Variants in AP4S1 observed in about 807,000 individuals in gnomAD.
AP4S1 encodes adaptor related protein complex 4 subunit sigma 1.
In AP4S1, 23 loss-of-function variants were observed where a neutral mutation model predicts 19.8. The ratio of observed to expected loss-of-function variants is 1.16; its 90% CI spans 0.84 to 1.65. The LOEUF is 1.65. Among genes scored for constraint, AP4S1 ranks in the 40% most tolerant of loss-of-function variants. The pLI, the probability that AP4S1 is intolerant of heterozygous loss-of-function variation, is 0.00. For synonymous variants in AP4S1, 46 were observed against 54.1 expected (o/e 0.85, Z 0.66); for missense variants, 166 against 172.8 (o/e 0.96, Z 0.22).
At chr14:31,041,030 C>T (rs900323084) in intron 1 of AP4S1, among the ~76,000 whole-genome samples, 5 of 147,740 alleles carry the variant, frequency 3.4e-5, no homozygotes, top group Non-Finnish European at 7.4e-5. Context: ...GAGCTGAGAT[C>T]GCACCACTGA....
At chr14:31,080,455 GA>G (rs1408400666) in intron 4 of AP4S1, 117 bp from the exon 5 acceptor site, 2 of 821,552 alleles carry the variant, frequency 2.4e-6, no homozygotes, top group African/African-American at 3.4e-5. Context: ...ACCAAGCCCA[GA>G]AGCAGGTAGG....
At chr14:31,081,700 C>T (rs1887644461) in intron 5 of AP4S1, among the ~76,000 whole-genome samples, 1 of 151,074 alleles carries the variant, frequency 6.6e-6, no homozygotes. Context: ...TGAATTATAA[C>T]AATGTTTATG....
intron 1 of AP4S1, among the ~76,000 whole-genome samples, chr14:31,039,656 T>C (rs1286302255): frequency 3.4e-5 from 5 of 148,504 alleles, no homozygotes; most frequent in Admixed American, 1.3e-4. Flanking sequence ...CACTGCAAGC[T>C]CCGCCTCCCG....
chr14:31,039,474 T>G (rs1884971253), intron 1 of AP4S1, among the ~76,000 whole-genome samples: 1 of 149,320 alleles, frequency 6.7e-6, no homozygotes, highest in South Asian at 2.1e-4. Context: ...CGTGAGCCAC[T>G]GTGTCTGGCC....
Position 31,073,266 on chromosome 14 carries a change from A to G in AP4S1, c.294+293A>G, listed in dbSNP as rs112222685. On this transcript the variant is annotated intron_variant, in intron 4 of 5. Transcript: ENST00000542754. ...AGCACTTTGGGAGGCTAAGGTGGGC[A>G]GATCACAAGGTCAGGAGATGGAGAC... 0.031 allele frequency: 10,467 copies of G among 342,624 alleles called. 232 individuals carry two copies. Among genetic ancestry groups the G allele is most frequent in the Non-Finnish European group, 0.042 (7,553 of 178,922 alleles). 21.2% of individuals were successfully genotyped at this position (342,624 alleles called of 1,614,324 possible).
Position 31,080,574 on chromosome 14 carries a change from G to A in AP4S1, c.296G>A (p.Ser99Asn), listed in dbSNP as rs1887585315. 1.2e-6 allele frequency: 2 copies of A among 1,612,468 alleles called. No individual in the cohort carries two copies. Among genetic ancestry groups the A allele is most frequent in the South Asian group, 2.2e-5 (2 of 91,026 alleles). Residue 99 changes from serine to asparagine, a missense_variant and splice_region_variant, in exon 5 of 6, where the codon AGT becomes AAT. By Grantham distance (46) the Ser-to-Asn change is conservative. Transcript: ENST00000542754. ...TTGCACTCTTTTTCTGTCTTCCAGAGTGAATTAGATGTATCCTTTTTCAAT... is the reference window on the plus strand; with the variant it reads ...TTGCACTCTTTTTCTGTCTTCCAGAATGAATTAGATGTATCCTTTTTCAAT... ...EVLDEYFSRV[S>N]ELDIMFNLDK... is the part of the protein sequence containing the mutation.
intron 1 of AP4S1, among the ~76,000 whole-genome samples, chr14:31,049,744 C>T (rs1472064832): frequency 6.6e-6 from 1 of 151,472 alleles, no homozygotes; most frequent in African/African-American, 2.4e-5. Context: ...GCAACCTCTG[C>T]GTGGGCCACC....
At chr14:31,041,094 C>T (rs78564277) in intron 1 of AP4S1, among the ~76,000 whole-genome samples, 8 of 149,106 alleles carry the variant, frequency 5.4e-5, no homozygotes, top group African/African-American at 1.5e-4. Flanking sequence ...AAAAAAAGTA[C>T]GCAAATTAAA....
At chr14:31,081,180 G>C (rs1887620544) in intron 5 of AP4S1, among the ~76,000 whole-genome samples, 1 of 151,946 alleles carries the variant, frequency 6.6e-6, no homozygotes, top group Non-Finnish European at 1.5e-5. Context: ...TTTCCTTTAA[G>C]CATATGGAAT....
At chr14:31,033,109 T>C (rs1594623824) in intron 1 of AP4S1, 1 of 152,228 alleles carries the variant, frequency 6.6e-6, no homozygotes, top group South Asian at 2.1e-4. Context: ...TGTCATCCTA[T>C]CAATGGGTTC....
At chr14:31,071,554 A>AG (rs968069389) in intron 3 of AP4S1, among the ~76,000 whole-genome samples, 51 of 152,036 alleles carry the variant, frequency 3.4e-4, no homozygotes, top group Non-Finnish European at 5.3e-4. Flanking sequence ...CTGAGTAGCT[A>AG]GGACTACAGG....
chr14:31,060,091 G>T (rs1307657187), intron 1 of AP4S1, among the ~76,000 whole-genome samples: 2 of 147,956 alleles, frequency 1.4e-5, no homozygotes, highest in Admixed American at 1.4e-4. Flanking sequence ...ATAAAACTTA[G>T]TCCAAGTATT....
chr14:31,090,114 G>A (rs1594719274), intron 5 of AP4S1, among the ~76,000 whole-genome samples: 3 of 152,054 alleles, frequency 2.0e-5, no homozygotes, highest in South Asian at 2.1e-4. Context: ...TTAGCCTCCC[G>A]AGTAGCTGGG....
intron 1 of AP4S1, among the ~76,000 whole-genome samples, chr14:31,048,787 A>G (rs1885565531): frequency 6.6e-6 from 1 of 152,156 alleles, no homozygotes; most frequent in Admixed American, 6.5e-5. Flanking sequence ...TTGACAAAAT[A>G]ATGGTTCTTC....
chr14:31,058,553 G>A (rs997253602), intron 1 of AP4S1, among the ~76,000 whole-genome samples: 11 of 63,872 alleles, frequency 1.7e-4, no homozygotes, highest in African/African-American at 5.2e-4. Context: ...GTGTGTGTGT[G>A]TGTGTGTGTG....
chr14:31,075,895 A>G (rs942807338), intron 4 of AP4S1, among the ~76,000 whole-genome samples: 1 of 152,112 alleles, frequency 6.6e-6, no homozygotes, highest in Non-Finnish European at 1.5e-5. Flanking sequence ...ATGCACCACC[A>G]TGCCCAGCTA....
rs1886720131 is a variant in AP4S1, at chr14:31,066,405, CAG to C, written c.138+72_138+73del. On this transcript the variant is annotated intron_variant, in intron 2 of 5. Coordinates refer to ENST00000542754, the MANE Select transcript of AP4S1 (RefSeq NM_001128126.3). ...TGGCAGATTTGTTATTAGTGAGTCT[CAG>C]GGGCCATCATTTTCTTTGAGCTATA... The C allele has an allele frequency of 5.7e-6, 9 of 1,579,342 alleles. 1 individual carries two copies. The highest frequency in any genetic ancestry group is 7.8e-6 in the Non-Finnish European group (9 of 1,149,536).
At chr14:31,045,773 T>G (rs764789132) in intron 1 of AP4S1, among the ~76,000 whole-genome samples, 44 of 152,084 alleles carry the variant, frequency 2.9e-4, no homozygotes, top group Non-Finnish European at 5.7e-4. Flanking sequence ...AAGTAGTAGG[T>G]GTGTCTTTTG....
At chr14:31,072,630 C>T (rs1887075713) in intron 3 of AP4S1, among the ~76,000 whole-genome samples, 1 of 152,172 alleles carries the variant, frequency 6.6e-6, no homozygotes. Context: ...CTTGGCCTCC[C>T]AAAGTGCTAG....
Sources: gnomAD v4.1 joint callset for allele counts (sites outside exome capture counted in the v4.1 genomes callset) on GRCh38, gnomAD v4.1.1 for gene constraint, MANE v1.5 for transcripts, NCBI Gene and HGNC (gene_info 2026-07-23, HGNC 2026-07-21) for gene names.